Variants in ZNF100 observed in about 807,000 individuals in gnomAD.
ZNF100 encodes the protein zinc finger protein 100.
A neutral mutation model predicts 15.8 loss-of-function variants in ZNF100; 12 were observed. That is an observed-to-expected ratio of 0.76 (90% confidence interval 0.49 to 1.23). The LOEUF (loss-of-function observed/expected upper bound fraction) is 1.23, where lower values mean the gene tolerates loss of function less well. Ranked by LOEUF, ZNF100 falls within the 50% of genes most tolerant of loss-of-function variation. ZNF100 has a pLI of 0.00. For missense variants in ZNF100, 670 were observed against 635.6 expected (o/e 1.05, Z -0.58); for synonymous variants, 226 against 214.8 (o/e 1.05, Z -0.45).
intron 2 of ZNF100, among the ~76,000 whole-genome samples, chr19:21,755,430 GA>G (rs1413712835): frequency 6.6e-6 from 1 of 151,970 alleles, no homozygotes; most frequent in Admixed American, 6.6e-5. Context: ...AAAAAGTCAA[GA>G]AACAGATGCC....
chr19:21,749,065 T>A (rs138162805), intron 2 of ZNF100, among the ~76,000 whole-genome samples: 88 of 152,314 alleles, frequency 5.8e-4, no homozygotes, highest in African/African-American at 2.1e-3. Context: ...AACCATATGA[T>A]GTTTAATTCA....
intron 2 of ZNF100, among the ~76,000 whole-genome samples, chr19:21,759,783 G>A (rs905581626): frequency 9.2e-5 from 14 of 152,178 alleles, no homozygotes; most frequent in African/African-American, 3.4e-4. Context: ...CTAAACAGGA[G>A]AGGCATAAAT....
intron 2 of ZNF100, chr19:21,752,908 T>C (rs1165331529): frequency 6.6e-6 from 1 of 152,192 alleles, no homozygotes; most frequent in East Asian, 1.9e-4. Flanking sequence ...AGTGCAGTCA[T>C]GGTGCACTGC....
chr19:21,760,181 CA>C (rs58849505), intron 2 of ZNF100, among the ~76,000 whole-genome samples: 13,637 of 133,910 alleles, frequency 0.1, 818 homozygotes, highest in South Asian at 0.19. Context: ...GACTCCGTCT[CA>C]AAAAAAAAAA....
intron 3 of ZNF100, among the ~76,000 whole-genome samples, chr19:21,744,478 T>A (rs1365186977): frequency 6.6e-6 from 1 of 152,186 alleles, no homozygotes; most frequent in African/African-American, 2.4e-5. Context: ...GTTCAAGCAA[T>A]TCTCCTGCCT....
intron 2 of ZNF100, among the ~76,000 whole-genome samples, chr19:21,759,330 C>CTAT (rs2036442198): frequency 6.6e-6 from 1 of 152,110 alleles, no homozygotes; most frequent in Non-Finnish European, 1.5e-5. Context: ...AAAGATGAAA[C>CTAT]ATATAGATAA....
At chr19:21,729,615 C>CA (rs1167952650) in intron 4 of ZNF100, among the ~76,000 whole-genome samples, 1 of 151,606 alleles carries the variant, frequency 6.6e-6, no homozygotes, top group Non-Finnish European at 1.5e-5. Context: ...CAAAAAACAA[C>CA]AAAAAAATAC....
At position 21,744,005 on chromosome 19, in the gene ZNF100, A is replaced by G. The variant is rs1220921483; in HGVS notation, c.322+12T>C. On this transcript the variant is annotated intron_variant, in intron 4 of 4. Transcript: ENST00000358296. ...CACATCTGTGTCATCTGTTGTGTTCACTCTCACCTACCTGGGGGTTTGGCT... is the reference window on the plus strand; with the variant it reads ...CACATCTGTGTCATCTGTTGTGTTCGCTCTCACCTACCTGGGGGTTTGGCT... 6.3e-7 allele frequency: 1 copy of G among 1,595,430 alleles called. No homozygotes were observed.
At chr19:21,756,962 A>G (rs1265139365) in intron 2 of ZNF100, among the ~76,000 whole-genome samples, 2 of 152,212 alleles carry the variant, frequency 1.3e-5, no homozygotes, top group African/African-American at 4.8e-5. Context: ...GATCTTTGAC[A>G]AAGCTGACAA....
intron 2 of ZNF100, among the ~76,000 whole-genome samples, chr19:21,760,126 G>A (rs1213015269): frequency 6.7e-6 from 1 of 148,670 alleles, no homozygotes; most frequent in African/African-American, 2.5e-5. Flanking sequence ...AGGTTGCACT[G>A]AGCCAAGATC....
At chr19:21,750,624 T>C (rs1599397667) in intron 2 of ZNF100, 4 of 181,748 alleles carry the variant, frequency 2.2e-5, no homozygotes, top group South Asian at 3.9e-4. Context: ...ATGAGTCAGC[T>C]TGGGGAGGCG....
In ZNF100 at chr19:21,726,561, T is replaced by TA; in HGVS notation, c.*121dup. 4.5e-6 allele frequency: 4 copies of TA among 887,148 alleles called. No individual in the cohort carries two copies. The highest frequency in any genetic ancestry group is 5.1e-6 in the Non-Finnish European group (3 of 592,176). The allele number at this position is 887,148 out of a possible 1,614,324, so 55.0% of individuals were successfully genotyped here. On this transcript the variant is annotated 3_prime_UTR_variant, in exon 5 of 5. Coordinates refer to ENST00000358296, the MANE Select transcript of ZNF100 (RefSeq NM_173531.4). ...CTAGTATGAATTATCTTATGTCTGT[T>TA]AGGAATTGAGAATTTATTAAAGGCT...
rs758169696 is a variant in ZNF100, at chr19:21,726,955, C to G, written c.1357G>C (p.Gly453Arg). 8 of 1,611,422 alleles carry G rather than the reference C, an allele frequency of 5.0e-6. No homozygotes were observed. Among genetic ancestry groups the G allele is most frequent in the Non-Finnish European group, 5.9e-6 (7 of 1,179,090 alleles). The change falls in exon 5 of 5, where the codon GGA becomes CGA. Residue 453 changes from glycine to arginine, a missense_variant. Physicochemically the swap from Gly to Arg is moderately radical, Grantham distance 125. Coordinates refer to ENST00000358296, the MANE Select transcript of ZNF100 (RefSeq NM_173531.4). Reference sequence around the variant, plus strand: ...TCGTCACATTTGTAGGGTTTCTCTCCAGTATGAATCATCTTATGGGTAGTA... The same window carrying G: ...TCGTCACATTTGTAGGGTTTCTCTCGAGTATGAATCATCTTATGGGTAGTA... Reference protein sequence around the residue: ...NLTTHKMIHTGEKPYKCDECG... With the variant: ...NLTTHKMIHTREKPYKCDECG...
At chr19:21,751,666 T>C in intron 2 of ZNF100, 1 of 1,335,178 alleles carries the variant, frequency 7.5e-7, no homozygotes, top group Non-Finnish European at 1.1e-6. Context: ...TGGAAAGGCA[T>C]TTTTCGGAGC....
chr19:21,740,878 T>A (rs2036095385), intron 4 of ZNF100, among the ~76,000 whole-genome samples: 2 of 151,872 alleles, frequency 1.3e-5, no homozygotes, highest in Admixed American at 1.3e-4. Context: ...TAATTAAAAG[T>A]GGAATTATTA....
rs2036187501 is a variant in ZNF100, at chr19:21,745,053, A to G, written c.111T>C (p.Phe37=). 1 of 1,612,552 alleles carries G rather than the reference A, an allele frequency of 6.2e-7. No individual in the cohort carries two copies. Among genetic ancestry groups the G allele is most frequent in the South Asian group, 1.1e-5 (1 of 90,742 alleles). Residue 37 remains phenylalanine (F), a synonymous_variant, in exon 3 of 5, where the codon TTT becomes TTC. Coordinates refer to ENST00000358296, the MANE Select transcript of ZNF100 (RefSeq NM_173531.4). ...GAGAGAATTCTATGGCCACATCCCT[A>G]AACGTCAATGGCCCCTGAAAAGCAC... is the stretch of plus-strand genomic sequence containing the variant. ...QSYFEKGPLT[F]RDVAIEFSLE...
At chr19:21,739,947 ATC>A (rs1372007011) in intron 4 of ZNF100, among the ~76,000 whole-genome samples, 1 of 152,004 alleles carries the variant, frequency 6.6e-6, no homozygotes, top group South Asian at 2.1e-4. Context: ...ATTCAGTACA[ATC>A]TCTATAAAAA....
chr19:21,765,550 C>T (rs2036543740), intron 2 of ZNF100, 144 bp downstream of exon 2: 18 of 644,546 alleles, frequency 2.8e-5, no homozygotes, highest in Non-Finnish European at 4.2e-5. Flanking sequence ...CACTATTTTT[C>T]TGCCCCCCTT....
At position 21,726,504 on chromosome 19, in the gene ZNF100, T is replaced by TGTCACATC. The variant is rs2035787992; in HGVS notation, c.*171_*178dup. ...AAAGTTTGAGGTGTTTTCAAAGCAC[T>TGTCACATC]GTCACATCTTTCTGGTTTGTAGAAT... On this transcript the variant is annotated 3_prime_UTR_variant, in exon 5 of 5. Coordinates refer to ENST00000358296, the MANE Select transcript of ZNF100 (RefSeq NM_173531.4). The TGTCACATC allele has an allele frequency of 6.8e-6, 4 of 591,986 alleles. No individual in the cohort carries two copies. The East Asian group carries it at 1.2e-4, about 17-fold the overall frequency. The allele number at this position is 591,986 out of a possible 1,614,324, so 36.7% of individuals were successfully genotyped here.
Sources: gnomAD v4.1 joint callset for allele counts (sites outside exome capture counted in the v4.1 genomes callset) on GRCh38, gnomAD v4.1.1 for gene constraint, MANE v1.5 for transcripts, NCBI Gene and HGNC (gene_info 2026-07-23, HGNC 2026-07-21) for gene names.